The following ABCB5 variants were observed in gnomAD, a reference collection of about 807,000 sequenced individuals.
The protein encoded by ABCB5 is ATP-binding cassette sub-family B member 5.
ABCB5 carries 155 observed loss-of-function variants against 144.2 expected under a neutral mutation model. The observed-to-expected ratio is 1.08, with a 90% CI of 0.94 to 1.23. ABCB5 has a LOEUF of 1.23. Among genes scored for constraint, ABCB5 ranks in the 50% most tolerant of loss-of-function variants. The probability of loss-of-function intolerance (pLI) is 0.00; values close to 1 mark genes in which losing one functional copy is unlikely to be tolerated. For missense variants in ABCB5, 1,830 were observed against 1,520.8 expected (o/e 1.20, Z -3.38); for synonymous variants, 610 against 528.6 (o/e 1.15, Z -2.11).
rs769078977 is a variant in ABCB5 at position 20,647,538 on chromosome 7, T to C, written c.985T>C (p.Phe329Leu). The change falls in exon 10 of 28, where the codon TTC becomes CTC. Residue 329 changes from phenylalanine (F) to leucine (L), a missense_variant. By Grantham distance (22) the Phe-to-Leu change is conservative (BLOSUM62 0). Transcript: ENST00000404938. ...GYTIGTVLAV[F>L]FSVIHSSYCI... ...ATCACTTTGTTTGTTCCTGTAGGTT[T>C]TCTTTAGTGTAATCCATAGCAGTTA... The C allele has an allele frequency of 1.9e-6, 3 of 1,558,584 alleles. No homozygotes were observed. Among genetic ancestry groups the C allele is most frequent in the Admixed American group, 4.1e-5 (2 of 48,506 alleles).
intron 20 of ABCB5, among the ~76,000 whole-genome samples, chr7:20,719,662 G>T (rs1171340054): frequency 2.6e-5 from 4 of 152,170 alleles, no homozygotes; most frequent in Non-Finnish European, 5.9e-5. Flanking sequence ...GGGAAGCAGA[G>T]CCAGAGCAGG....
chr7:20,683,753 T>C (rs955197557), intron 15 of ABCB5, among the ~76,000 whole-genome samples: 1 of 152,148 alleles, frequency 6.6e-6, no homozygotes, highest in Non-Finnish European at 1.5e-5. Context: ...ACAGTAAATG[T>C]AACATACATA....
chr7:20,714,479 GT>G (rs1348466949), intron 20 of ABCB5, among the ~76,000 whole-genome samples: 3 of 151,934 alleles, frequency 2.0e-5, no homozygotes, highest in Non-Finnish European at 4.4e-5. Context: ...ACCACATTCC[GT>G]TTTCCTTCAA....
intron 24 of ABCB5, 88 bp from the exon 25 acceptor site, chr7:20,742,789 A>G (rs1782601989): frequency 1.5e-6 from 2 of 1,335,052 alleles, no homozygotes; most frequent in Middle Eastern, 2.5e-4. Flanking sequence ...AACATGCACA[A>G]TTTTCAAAAT....
At chr7:20,670,382 A>G (rs1785423419) in intron 14 of ABCB5, among the ~76,000 whole-genome samples, 1 of 81,830 alleles carries the variant, frequency 1.2e-5, no homozygotes, top group South Asian at 4.1e-4. Flanking sequence ...CTAAAAAAAG[A>G]AAAAGAAAAA....
At chr7:20,748,561 A>C (rs1429032905) in intron 26 of ABCB5, among the ~76,000 whole-genome samples, 1 of 147,918 alleles carries the variant, frequency 6.8e-6, no homozygotes, top group Non-Finnish European at 1.5e-5. Flanking sequence ...GAGGCAGGAG[A>C]ATCACTTGAA....
At chr7:20,707,767 A>T (rs1407521419) in intron 20 of ABCB5, among the ~76,000 whole-genome samples, 1 of 150,658 alleles carries the variant, frequency 6.6e-6, no homozygotes, top group Admixed American at 6.6e-5. Flanking sequence ...GTTAGAACTA[A>T]GATATTATTA....
At chr7:20,684,028 A>G (rs930920984) in intron 15 of ABCB5, among the ~76,000 whole-genome samples, 29 of 152,234 alleles carry the variant, frequency 1.9e-4, no homozygotes, top group Non-Finnish European at 3.7e-4. Context: ...CTAACCTTTA[A>G]CAAGAGGGAA....
intron 1 of ABCB5, among the ~76,000 whole-genome samples, chr7:20,621,694 T>C (rs775291681): frequency 2.6e-5 from 4 of 152,112 alleles, no homozygotes; most frequent in Non-Finnish European, 5.9e-5. Flanking sequence ...ACGAATATAA[T>C]ACAGACACAA....
chr7:20,683,054 C>A (rs1239860239), intron 15 of ABCB5, among the ~76,000 whole-genome samples: 1 of 152,092 alleles, frequency 6.6e-6, no homozygotes, highest in Admixed American at 6.5e-5. Flanking sequence ...CCTTTTTGGT[C>A]TTCTTCAGCT....
At chr7:20,638,627 C>G (rs1784215812) in intron 5 of ABCB5, among the ~76,000 whole-genome samples, 1 of 152,144 alleles carries the variant, frequency 6.6e-6, no homozygotes, top group African/African-American at 2.4e-5. Flanking sequence ...GTTCTTGTAC[C>G]TGGCTTCTTT....
intron 19 of ABCB5, among the ~76,000 whole-genome samples, chr7:20,703,853 CTTCTTTA>C (rs1379699724): frequency 6.6e-6 from 1 of 152,064 alleles, no homozygotes; most frequent in Non-Finnish European, 1.5e-5. Context: ...GACGTGACTC[CTTCTTTA>C]GATTGCATAC....
At chr7:20,745,830 A>G (rs1782702268) in intron 26 of ABCB5, among the ~76,000 whole-genome samples, 1 of 152,180 alleles carries the variant, frequency 6.6e-6, no homozygotes, top group Non-Finnish European at 1.5e-5. Context: ...ATTAGATCCT[A>G]TCCCTCCCCT....
chr7:20,691,017 G>C (rs1413452428), intron 16 of ABCB5, among the ~76,000 whole-genome samples: 7 of 152,004 alleles, frequency 4.6e-5, no homozygotes. Flanking sequence ...TGAAATAATG[G>C]CTTCTGACAT....
At chr7:20,702,259 G>C (rs1442718874) in intron 19 of ABCB5, among the ~76,000 whole-genome samples, 1 of 152,182 alleles carries the variant, frequency 6.6e-6, no homozygotes, top group African/African-American at 2.4e-5. Context: ...GAGCTATTGA[G>C]TTTTTGAACA....
chr7:20,670,260 G>C (rs1785419844), intron 14 of ABCB5, among the ~76,000 whole-genome samples: 1 of 152,090 alleles, frequency 6.6e-6, no homozygotes, highest in African/African-American at 2.4e-5. Flanking sequence ...TGTGTCAATA[G>C]TGGTTCAGTA....
At chr7:20,681,241 C>G (rs1277889067) in intron 14 of ABCB5, among the ~76,000 whole-genome samples, 1 of 151,832 alleles carries the variant, frequency 6.6e-6, no homozygotes, top group Non-Finnish European at 1.5e-5. Context: ...ATTCTCCTGC[C>G]TCACCCTTCC....
intron 14 of ABCB5, among the ~76,000 whole-genome samples, chr7:20,663,700 A>G (rs1785076484): frequency 6.8e-6 from 1 of 146,742 alleles, no homozygotes; most frequent in African/African-American, 2.5e-5. Context: ...AAGATTGCAA[A>G]TTTTATGTTA....
At chr7:20,650,822 A>AGTGTTATGTGT (rs1464277344) in intron 12 of ABCB5, among the ~76,000 whole-genome samples, 1 of 152,196 alleles carries the variant, frequency 6.6e-6, no homozygotes, top group Non-Finnish European at 1.5e-5. Context: ...TTATGTGTAT[A>AGTGTTATGTGT]AAAGAGTTGC....
Sources: gnomAD v4.1 joint callset for allele counts (sites outside exome capture counted in the v4.1 genomes callset) on GRCh38, gnomAD v4.1.1 for gene constraint, MANE v1.5 for transcripts, NCBI Gene and HGNC (gene_info 2026-07-23, HGNC 2026-07-21) for gene names.